Variants in KIAA1217 observed in about 807,000 individuals in gnomAD.
The protein encoded by KIAA1217 is KIAA1217.
A neutral mutation model predicts 163.9 loss-of-function variants in KIAA1217; 88 were observed. The ratio of observed to expected loss-of-function variants is 0.54; its 90% CI spans 0.45 to 0.64. KIAA1217 has a LOEUF of 0.64. Among genes scored for constraint, KIAA1217 ranks in the 30% least tolerant of loss-of-function variants. KIAA1217 has a pLI of 0.00. For synonymous variants in KIAA1217, 903 were observed against 923.1 expected, an observed-to-expected ratio of 0.98 and a Z score of 0.39; for missense variants, 2,372 against 2,475.0, an observed-to-expected ratio of 0.96 and a Z score of 0.88.
intron 5 of KIAA1217, 137 bp from the exon 6 acceptor site, chr10:24,473,091 A>G (rs918148484): frequency 5.1e-6 from 3 of 588,676 alleles, no homozygotes; most frequent in Non-Finnish European, 8.6e-6. Context: ...CTCTTTTGCC[A>G]TGTAAGGAAA....
rs773542562 is a variant in KIAA1217 at position 24,473,700 on chromosome 10, T to C, written c.1319T>C (p.Met440Thr). The C allele has an allele frequency of 2.5e-6, 4 of 1,614,038 alleles. No homozygotes were observed. The highest frequency in any genetic ancestry group is 4.5e-5 in the East Asian group (2 of 44,852). The change falls in exon 6 of 21, where the codon ATG becomes ACG. Residue 440 changes from methionine to threonine, a missense_variant. Met to Thr is a moderately conservative substitution (Grantham distance 81). This residue lies in a region of KIAA1217 where 1,431 missense variants were observed against 1,470.3 expected (regional missense o/e 0.97). Coordinates refer to ENST00000376454, the MANE Select transcript of KIAA1217 (RefSeq NM_019590.5). ...GCGAGTGCTTATTGTAACCCCTCAATGCAAGCGGAAATGCATATGGAACAA... is the reference window on the plus strand; with the variant it reads ...GCGAGTGCTTATTGTAACCCCTCAACGCAAGCGGAAATGCATATGGAACAA... ...RSASAYCNPSMQAEMHMEQSL... is the reference protein window; with the variant it reads ...RSASAYCNPSTQAEMHMEQSL...
In KIAA1217 at chr10:23,941,828, A is replaced by G. The variant is rs566376159; in HGVS notation, c.-320-65397A>G. ...TGGTAAACATAAAATTTTCCATTGA[A>G]ATTTCAAAAAGCCAAACCTTAGGAA... On this transcript the variant is annotated intron_variant, in intron 1 of 18. Coordinates refer to the KIAA1217 transcript ENST00000376462. Among the ~76,000 whole-genome samples, 6 of 152,312 alleles carry G rather than the reference A, an allele frequency of 3.9e-5. No individual in the cohort carries two copies. In the South Asian group the frequency reaches 8.3e-4, roughly 21 times the overall value.
chr10:24,437,518 C>G (rs1369072116), intron 4 of KIAA1217, among the ~76,000 whole-genome samples: 1 of 152,178 alleles, frequency 6.6e-6, no homozygotes, highest in Non-Finnish European at 1.5e-5. Context: ...CTGAGCTAGC[C>G]CAGCCGGCAT....
At chr10:24,331,220 G>A (rs1405551475) in intron 2 of KIAA1217, among the ~76,000 whole-genome samples, 1 of 152,162 alleles carries the variant, frequency 6.6e-6, no homozygotes, top group South Asian at 2.1e-4. Context: ...TAAGATTACA[G>A]GCATGAGCCA....
chr10:23,787,718 G>A (rs1835557236), intron 1 of KIAA1217, among the ~76,000 whole-genome samples: 2 of 152,126 alleles, frequency 1.3e-5, no homozygotes, highest in Admixed American at 6.5e-5. Context: ...CATATTTTAT[G>A]AGAAACAGCC....
At chr10:24,313,866 G>A (rs1024422626) in intron 2 of KIAA1217, among the ~76,000 whole-genome samples, 1 of 115,450 alleles carries the variant, frequency 8.7e-6, no homozygotes, top group Non-Finnish European at 1.7e-5. Flanking sequence ...TTTTTTTTGA[G>A]TCTCACTCTG....
At chr10:24,358,068 C>G (rs2049358793) in intron 2 of KIAA1217, among the ~76,000 whole-genome samples, 1 of 152,186 alleles carries the variant, frequency 6.6e-6, no homozygotes, top group Non-Finnish European at 1.5e-5. Flanking sequence ...AGAACCAATG[C>G]CTTCTTCCAG....
At chr10:24,108,516 G>T (rs2131736454) in intron 2 of KIAA1217, among the ~76,000 whole-genome samples, 1 of 152,236 alleles carries the variant, frequency 6.6e-6, no homozygotes, top group African/African-American at 2.4e-5. Flanking sequence ...TAAATGAATA[G>T]CAAGAGAAAA....
intron 2 of KIAA1217, among the ~76,000 whole-genome samples, chr10:24,185,050 A>G (rs755226292): frequency 3.9e-5 from 6 of 152,348 alleles, no homozygotes; most frequent in Middle Eastern, 3.4e-3. Flanking sequence ...TAAAAGTTCT[A>G]TCTGAAATAA....
In KIAA1217 at chr10:23,746,512, C is replaced by T. The variant is rs369453424; in HGVS notation, c.-321+51278C>T. ...GATCTTGGCTCACTGCTAGCTCCGC[C>T]TCCCGGGTTCAGGCCATTCTCCTGC... On this transcript the variant is annotated intron_variant, in intron 1 of 18. Coordinates refer to the KIAA1217 transcript ENST00000376462. Among the ~76,000 whole-genome samples the T allele has an allele frequency of 8.5e-5, 13 of 152,282 alleles. No homozygotes were observed. The East Asian group carries it at 1.7e-3, about 20-fold the overall frequency.
At chr10:24,316,996 G>A (rs1382742341) in intron 2 of KIAA1217, among the ~76,000 whole-genome samples, 4 of 152,060 alleles carry the variant, frequency 2.6e-5, no homozygotes, top group Non-Finnish European at 4.4e-5. Context: ...TTATGTTTAC[G>A]CTGAGTGTGT....
At chr10:24,000,164 C>G (rs748784177) in intron 1 of KIAA1217, among the ~76,000 whole-genome samples, 6 of 152,156 alleles carry the variant, frequency 3.9e-5, no homozygotes, top group Admixed American at 6.6e-5. Context: ...TAAAATCCAA[C>G]TCAGTAAAAG....
At chr10:23,967,694 C>A (rs974826059) in intron 1 of KIAA1217, among the ~76,000 whole-genome samples, 50 of 152,034 alleles carry the variant, frequency 3.3e-4, no homozygotes, top group African/African-American at 1.2e-3. Context: ...GAAAGACATA[C>A]AATAATGCAT....
At position 24,466,680 on chromosome 10, in the gene KIAA1217, T is replaced by A. The variant is rs115656759; in HGVS notation, c.847-6548T>A. Reference sequence around the variant, plus strand: ...GGAAGCTGTCTAAAATATTCAAGTGTGCAACCAAGGATTTAGATGAAGCCA... The same window carrying A: ...GGAAGCTGTCTAAAATATTCAAGTGAGCAACCAAGGATTTAGATGAAGCCA... On this transcript the variant is annotated intron_variant, in intron 5 of 20. Coordinates refer to ENST00000376454, the MANE Select transcript of KIAA1217 (RefSeq NM_019590.5). 6,591 of 985,400 alleles carry A rather than the reference T, an allele frequency of 6.7e-3. 338 individuals carry two copies. The African/African-American group carries it at 0.11, about 16-fold the overall frequency. The allele number at this position is 985,400 out of a possible 1,614,324, so 61.0% of individuals were successfully genotyped here. A position where few individuals can be genotyped will look rare whatever the true frequency, so the allele number is the denominator to read the frequency against.
At chr10:24,458,648 G>T (rs2062044573) in intron 5 of KIAA1217, among the ~76,000 whole-genome samples, 1 of 152,136 alleles carries the variant, frequency 6.6e-6, no homozygotes, top group Non-Finnish European at 1.5e-5. Context: ...GCCCCAGTTT[G>T]TTCATCTGTG....
chr10:24,098,153 G>A (rs1257665393), intron 2 of KIAA1217, among the ~76,000 whole-genome samples: 1 of 152,112 alleles, frequency 6.6e-6, no homozygotes, highest in Admixed American at 6.5e-5. Flanking sequence ...GCAGCTCTCA[G>A]TAAAGCATAT....
chr10:24,427,962 G>T (rs1291322756), intron 3 of KIAA1217, among the ~76,000 whole-genome samples: 1 of 152,190 alleles, frequency 6.6e-6, no homozygotes, highest in African/African-American at 2.4e-5. Flanking sequence ...TTCCCATCCT[G>T]CCTGGCTTGT....
chr10:24,212,787 A>G (rs1198051361), intron 1 of KIAA1217, among the ~76,000 whole-genome samples: 2 of 152,222 alleles, frequency 1.3e-5, no homozygotes, highest in Non-Finnish European at 2.9e-5. Flanking sequence ...GATATTCCAC[A>G]GCAAGGACCA....
chr10:24,026,742 A>ATTTTTTTTTTTTTTTTTTTTTTTTTGT, intron 2 of KIAA1217, among the ~76,000 whole-genome samples: 2 of 70,094 alleles, frequency 2.9e-5, no homozygotes, highest in African/African-American at 5.9e-5. Context: ...TATTTCATTG[A>ATTTTTTTTTTTTTTTTTTTTTTTTTGT]TTTTTTTTTT....
Sources: gnomAD v4.1 joint callset for allele counts (sites outside exome capture counted in the v4.1 genomes callset) on GRCh38, gnomAD v4.1.1 for gene constraint, gnomAD v4.1.1 regional missense constraint, MANE v1.5 for transcripts, NCBI Gene and HGNC (gene_info 2026-07-23, HGNC 2026-07-21) for gene names.